Variants in MPZL1 observed in about 807,000 individuals in gnomAD.
The protein encoded by MPZL1 is myelin protein zero-like protein 1.
Under a neutral mutation model 29.3 loss-of-function variants are expected in MPZL1, and 16 were observed. The ratio of observed to expected loss-of-function variants is 0.55; its 90% confidence interval spans 0.37 to 0.83. The LOEUF (loss-of-function observed/expected upper bound fraction) is 0.83, where lower values mean the gene tolerates loss of function less well. MPZL1 is among the 40% of genes least tolerant of loss of function. The pLI is 0.00. For synonymous variants in MPZL1, 143 were observed against 132.0 expected (o/e 1.08, Z -0.57); for missense variants, 279 against 332.9 (o/e 0.84, Z 1.26).
intron 4 of MPZL1, chr1:167,774,806 T>A (rs1257095310): frequency 6.6e-6 from 1 of 152,262 alleles, no homozygotes; most frequent in African/African-American, 2.4e-5. Context: ...ATTGGGACTA[T>A]AACAGGGCTG....
rs1571140458 is a variant in MPZL1 at position 167,739,300 on chromosome 1, T to TATAC, written c.91+17061_91+17062insCATA. ...ATATATACATATATATATATATATA[T>TATAC]ATATATATACACATATATATATTTA... On this transcript the variant is annotated intron_variant, in intron 1 of 5. Transcript: ENST00000359523. Among the ~76,000 whole-genome samples, 3 of 114,758 alleles carry TATAC rather than the reference T, an allele frequency of 2.6e-5. No homozygotes were observed. The East Asian group carries it at 6.4e-4, about 24-fold the overall frequency. The allele number at this position is 114,758 out of a possible 152,430, so 75.3% of individuals were successfully genotyped here.
chr1:167,734,255 CA>C (rs35988337), intron 1 of MPZL1, among the ~76,000 whole-genome samples: 221 of 140,604 alleles, frequency 1.6e-3, no homozygotes, highest in East Asian at 3.1e-3. Flanking sequence ...GACTCCATCT[CA>C]AAAAAAAAAA....
intron 1 of MPZL1, 45 bp downstream of exon 1, chr1:167,722,287 C>G: frequency 8.1e-7 from 1 of 1,233,542 alleles, no homozygotes; most frequent in Non-Finnish European, 1.0e-6. Flanking sequence ...AGTGGGGCCC[C>G]CGGGCCCGAC....
rs1362724077 is a variant in MPZL1, at chr1:167,773,230, C to T, written c.473-6C>T. ...ACCTTAAAACTATTTTGTTCTTTCT[C>T]TCTAGAGAATTTGCCTGTGTTTCCA... On this transcript the variant is annotated splice_region_variant and splice_polypyrimidine_tract_variant and intron_variant, in intron 3 of 5. Coordinates refer to ENST00000359523, the MANE Select transcript of MPZL1 (RefSeq NM_003953.6). 4.3e-6 allele frequency: 7 copies of T among 1,611,146 alleles called. No homozygotes were observed. The highest frequency in any genetic ancestry group is 4.5e-5 in the East Asian group (2 of 44,834).
At chr1:167,737,449 G>A (rs1295161842) in intron 1 of MPZL1, among the ~76,000 whole-genome samples, 2 of 152,194 alleles carry the variant, frequency 1.3e-5, no homozygotes, top group African/African-American at 4.8e-5. Context: ...AAGGGGTTGA[G>A]GGGTGGTGTT....
chr1:167,759,070 CTT>C (rs1388607248), intron 1 of MPZL1, among the ~76,000 whole-genome samples: 4 of 152,288 alleles, frequency 2.6e-5, no homozygotes, highest in African/African-American at 9.6e-5. Context: ...AATCAACAGA[CTT>C]TTTTAAATCC....
intron 2 of MPZL1, among the ~76,000 whole-genome samples, chr1:167,767,279 T>C (rs1661134107): frequency 6.6e-6 from 1 of 152,218 alleles, no homozygotes; most frequent in Non-Finnish European, 1.5e-5. Flanking sequence ...AATGTTCCCA[T>C]AGAGGCAAGA....
At chr1:167,742,534 G>T (rs1435060307) in intron 1 of MPZL1, among the ~76,000 whole-genome samples, 1 of 152,030 alleles carries the variant, frequency 6.6e-6, no homozygotes, top group Non-Finnish European at 1.5e-5. Flanking sequence ...ATCAGAATAG[G>T]AACTATAGTT....
intron 1 of MPZL1, among the ~76,000 whole-genome samples, chr1:167,745,938 A>C (rs575680548): frequency 2.0e-5 from 3 of 152,184 alleles, no homozygotes; most frequent in Admixed American, 1.3e-4. Flanking sequence ...TATGCCTTAC[A>C]ATTGTTGGCG....
chr1:167,768,638 C>T (rs1376691738), intron 2 of MPZL1, among the ~76,000 whole-genome samples: 4 of 152,218 alleles, frequency 2.6e-5, no homozygotes, highest in Non-Finnish European at 5.9e-5. Context: ...CCATCTCTCA[C>T]TGGTTTGACC....
At chr1:167,739,312 C>CATATATATATATGTGTGTATATAT (rs1346286313) in intron 1 of MPZL1, among the ~76,000 whole-genome samples, 1 of 82,074 alleles carries the variant, frequency 1.2e-5, no homozygotes, top group African/African-American at 6.3e-5. Flanking sequence ...TATATATACA[C>CATATATATATATGTGTGTATATAT]ATATATATAT....
At chr1:167,767,156 T>C (rs1558121266) in intron 2 of MPZL1, among the ~76,000 whole-genome samples, 1 of 152,180 alleles carries the variant, frequency 6.6e-6, no homozygotes, top group African/African-American at 2.4e-5. Flanking sequence ...AGAGAGGCCT[T>C]CCCTTACAGT....
chr1:167,749,578 A>G (rs896264835), intron 1 of MPZL1, among the ~76,000 whole-genome samples: 3 of 152,202 alleles, frequency 2.0e-5, no homozygotes, highest in Non-Finnish European at 2.9e-5. Flanking sequence ...CATTCCTTCA[A>G]CTTCTTGATC....
At chr1:167,780,755 A>G (rs952335278) in intron 5 of MPZL1, among the ~76,000 whole-genome samples, 1 of 152,166 alleles carries the variant, frequency 6.6e-6, no homozygotes, top group African/African-American at 2.4e-5. Context: ...GGAGTTGTTT[A>G]ATTGGTACAG....
intron 1 of MPZL1, among the ~76,000 whole-genome samples, chr1:167,735,311 C>A (rs1660355487): frequency 6.6e-6 from 1 of 152,112 alleles, no homozygotes; most frequent in South Asian, 2.1e-4. Context: ...TCTCCATTGC[C>A]ACATCATACC....
chr1:167,731,959 T>C (rs553434706), intron 1 of MPZL1, among the ~76,000 whole-genome samples: 1 of 152,320 alleles, frequency 6.6e-6, no homozygotes, highest in Admixed American at 6.5e-5. Context: ...CTAAGTTTGA[T>C]ACAAATTCTT....
chr1:167,772,537 A>C, intron 3 of MPZL1, 49 bp downstream of exon 3: 10 of 1,507,820 alleles, frequency 6.6e-6, no homozygotes, highest in Non-Finnish European at 8.2e-6. Context: ...CCTTTATCTC[A>C]TGTTTGGTTG....
At chr1:167,740,125 C>G (rs1161522960) in intron 1 of MPZL1, among the ~76,000 whole-genome samples, 1 of 152,204 alleles carries the variant, frequency 6.6e-6, no homozygotes, top group Non-Finnish European at 1.5e-5. Flanking sequence ...TTTTTACATC[C>G]TTAAGCATTT....
intron 1 of MPZL1, among the ~76,000 whole-genome samples, chr1:167,758,288 T>C (rs538536309): frequency 2.6e-5 from 4 of 152,242 alleles, no homozygotes; most frequent in Non-Finnish European, 5.9e-5. Context: ...GTGAACGTGT[T>C]TATTTGTTCC....
Sources: gnomAD v4.1 joint callset for allele counts (sites outside exome capture counted in the v4.1 genomes callset) on GRCh38, gnomAD v4.1.1 for gene constraint, MANE v1.5 for transcripts, NCBI Gene and HGNC (gene_info 2026-07-23, HGNC 2026-07-21) for gene names.